Variants in PDE4D observed in about 807,000 individuals in gnomAD.
The protein encoded by PDE4D is 3',5'-cyclic-AMP phosphodiesterase 4D.
In PDE4D, 24 loss-of-function variants were observed where a neutral mutation model predicts 87.4. The ratio of observed to expected loss-of-function variants is 0.27; its 90% CI spans 0.20 to 0.39. The LOEUF (loss-of-function observed/expected upper bound fraction) is 0.39, where lower values mean the gene tolerates loss of function less well. PDE4D is among the 10% of genes least tolerant of loss of function. The pLI is 1.00. For missense variants in PDE4D, 714 were observed against 1,041.0 expected (o/e 0.69, Z 4.32); for synonymous variants, 384 against 383.2 (o/e 1.00, Z -0.02).
At chr5:60,049,579 C>T (rs962520784) in intron 2 of PDE4D, among the ~76,000 whole-genome samples, 9 of 152,178 alleles carry the variant, frequency 5.9e-5, no homozygotes, top group Admixed American at 5.9e-4. Context: ...AGTTTTCCTT[C>T]TAACAGACAG....
At chr5:59,941,273 A>G (rs1244082034) in intron 3 of PDE4D, among the ~76,000 whole-genome samples, 1 of 152,160 alleles carries the variant, frequency 6.6e-6, no homozygotes, top group African/African-American at 2.4e-5. Context: ...TTCCTTAACC[A>G]CATTCAGCTG....
chr5:59,925,552 C>T (rs1034288410), intron 3 of PDE4D, among the ~76,000 whole-genome samples: 4 of 152,048 alleles, frequency 2.6e-5, no homozygotes, highest in Non-Finnish European at 5.9e-5. Flanking sequence ...GACTAAACTC[C>T]CCAGTAAATA....
intron 2 of PDE4D, among the ~76,000 whole-genome samples, chr5:59,989,951 T>TA (rs1314535346): frequency 1.3e-5 from 2 of 152,212 alleles, no homozygotes; most frequent in Non-Finnish European, 2.9e-5. Flanking sequence ...AATATTTACA[T>TA]ACAAGAATTA....
chr5:59,867,970 T>C (rs1442843155), intron 1 of PDE4D, among the ~76,000 whole-genome samples: 1 of 152,196 alleles, frequency 6.6e-6, no homozygotes, highest in African/African-American at 2.4e-5. Context: ...GAGTATCTTT[T>C]GATACTGAAG....
intron 1 of PDE4D, among the ~76,000 whole-genome samples, chr5:59,666,343 C>A (rs893666694): frequency 1.3e-5 from 2 of 152,148 alleles, no homozygotes; most frequent in Non-Finnish European, 2.9e-5. Flanking sequence ...GCCAAAAAGA[C>A]TAATTCTACC....
At chr5:59,688,063 A>T (rs183707377) in intron 1 of PDE4D, among the ~76,000 whole-genome samples, 88 of 152,360 alleles carry the variant, frequency 5.8e-4, no homozygotes, top group Non-Finnish European at 9.8e-4. Flanking sequence ...ACCCAGATTC[A>T]TAAAGCAAGC....
In PDE4D at chr5:60,006,229, C is replaced by T. The variant is rs146548617; in HGVS notation, c.43-17512G>A. 8.4e-4 allele frequency among the ~76,000 whole-genome samples: 128 copies of T among 151,882 alleles called. 1 individual carries two copies. The highest frequency in any genetic ancestry group is 2.8e-3 in the African/African-American group (117 of 41,510). ...AACTGGGTGATGAGTATTTAAGATGCATTATATTAGGTTGGGCGAAAGCAA... is the reference window on the plus strand; with the variant it reads ...AACTGGGTGATGAGTATTTAAGATGTATTATATTAGGTTGGGCGAAAGCAA... On this transcript the variant is annotated intron_variant, in intron 2 of 16. Coordinates refer to the PDE4D transcript ENST00000502484.
intron 1 of PDE4D, among the ~76,000 whole-genome samples, chr5:59,651,446 C>A (rs1025852034): frequency 6.6e-6 from 1 of 151,176 alleles, no homozygotes; most frequent in African/African-American, 2.4e-5. Flanking sequence ...TCTTTAACAC[C>A]GAGTGAAAAA....
intron 1 of PDE4D, among the ~76,000 whole-genome samples, chr5:60,393,774 A>G (rs1362303977): frequency 6.6e-5 from 10 of 152,220 alleles, no homozygotes; most frequent in Admixed American, 5.9e-4. Flanking sequence ...GGCCAGAGTA[A>G]GTAATAAACT....
chr5:60,339,935 TCTC>T (rs1758158891), intron 1 of PDE4D, among the ~76,000 whole-genome samples: 2 of 152,182 alleles, frequency 1.3e-5, no homozygotes, highest in Non-Finnish European at 2.9e-5. Context: ...CAGAGTCAAA[TCTC>T]CTCCAAACCA....
intron 1 of PDE4D, among the ~76,000 whole-genome samples, chr5:60,261,204 T>C (rs1749616024): frequency 6.6e-6 from 1 of 152,166 alleles, no homozygotes; most frequent in South Asian, 2.1e-4. Context: ...CATTGTTCCA[T>C]ACCATTTCTT....
intron 1 of PDE4D, among the ~76,000 whole-genome samples, chr5:60,380,719 C>G (rs1761796279): frequency 6.6e-6 from 1 of 152,076 alleles, no homozygotes; most frequent in Non-Finnish European, 1.5e-5. Context: ...AAGGTGAACA[C>G]AATAAGGTCT....
At chr5:60,289,137 C>A (rs116635587) in intron 1 of PDE4D, among the ~76,000 whole-genome samples, 132 of 152,264 alleles carry the variant, frequency 8.7e-4, no homozygotes, top group African/African-American at 3.0e-3. Context: ...GAGAATCAGT[C>A]ATCTTACATT....
At chr5:60,407,600 A>G (rs1342579693) in intron 1 of PDE4D, among the ~76,000 whole-genome samples, 4 of 150,698 alleles carry the variant, frequency 2.7e-5, no homozygotes, top group Admixed American at 2.0e-4. Flanking sequence ...CTGCAGGCGC[A>G]CGGCACCACA....
At chr5:59,993,683 T>C (rs978747088) in intron 2 of PDE4D, among the ~76,000 whole-genome samples, 8 of 152,138 alleles carry the variant, frequency 5.3e-5, no homozygotes, top group Admixed American at 1.3e-4. Context: ...TATGAGCTTC[T>C]GTATTCCCTA....
intron 1 of PDE4D, among the ~76,000 whole-genome samples, chr5:59,352,139 T>C (rs1030112549): frequency 6.6e-6 from 1 of 152,144 alleles, no homozygotes; most frequent in Admixed American, 6.6e-5. Flanking sequence ...ATGTATGGGA[T>C]TGGGAATGGT....
At chr5:59,693,683 CAA>C (rs1372788814) in intron 1 of PDE4D, among the ~76,000 whole-genome samples, 1 of 151,840 alleles carries the variant, frequency 6.6e-6, no homozygotes, top group East Asian at 1.9e-4. Context: ...AAGTTATTTG[CAA>C]AAAAAGTTAG....
chr5:59,034,189 T>C (rs1211951740), intron 6 of PDE4D, among the ~76,000 whole-genome samples: 4 of 152,196 alleles, frequency 2.6e-5, no homozygotes, highest in African/African-American at 9.7e-5. Context: ...AATCTACCTT[T>C]ATTGAGTAGA....
At chr5:60,235,407 C>A (rs760949576) in intron 1 of PDE4D, among the ~76,000 whole-genome samples, 1 of 151,732 alleles carries the variant, frequency 6.6e-6, no homozygotes. Flanking sequence ...TAAAACCTCC[C>A]GAAGTAGTTT....
Sources: gnomAD v4.1 joint callset for allele counts (sites outside exome capture counted in the v4.1 genomes callset) on GRCh38, gnomAD v4.1.1 for gene constraint, MANE v1.5 for transcripts, NCBI Gene and HGNC (gene_info 2026-07-23, HGNC 2026-07-21) for gene names.